Variants in SGPP2 observed in about 807,000 individuals in gnomAD.
SGPP2 encodes the protein sphingosine-1-phosphate phosphatase 2.
SGPP2 carries 30 observed loss-of-function variants against 33.9 expected under a neutral mutation model. That is an observed-to-expected ratio of 0.89 (90% CI 0.66 to 1.20). SGPP2 has a LOEUF of 1.20. SGPP2 is among the 50% of genes most tolerant of loss of function. The pLI, the probability that SGPP2 is intolerant of heterozygous loss-of-function variation, is 0.00. For missense variants in SGPP2, 458 were observed against 532.1 expected (o/e 0.86, Z 1.37); for synonymous variants, 233 against 225.0 (o/e 1.04, Z -0.32).
intron 4 of SGPP2, among the ~76,000 whole-genome samples, chr2:222,542,591 G>A (rs112690558): frequency 2.6e-5 from 4 of 151,972 alleles, no homozygotes; most frequent in Middle Eastern, 6.8e-3. Flanking sequence ...TCTTATTTTC[G>A]CCATTCTTGT....
intron 3 of SGPP2, among the ~76,000 whole-genome samples, chr2:222,524,076 A>G (rs1003573628): frequency 3.3e-4 from 51 of 152,320 alleles, no homozygotes; most frequent in African/African-American, 1.0e-3. Flanking sequence ...TGAGGGTCAA[A>G]TGGGAGCATT....
chr2:222,520,779 G>T (rs1273933911), intron 2 of SGPP2, among the ~76,000 whole-genome samples: 1 of 149,980 alleles, frequency 6.7e-6, no homozygotes, highest in Non-Finnish European at 1.5e-5. Flanking sequence ...TTTGAGACAG[G>T]GTCTTGCTCT....
intron 4 of SGPP2, among the ~76,000 whole-genome samples, chr2:222,527,137 G>C (rs903346585): frequency 3.9e-4 from 60 of 152,130 alleles, no homozygotes; most frequent in African/African-American, 1.4e-3. Context: ...GTGAGTTGTG[G>C]GGACAGTAAG....
Position 222,424,695 on chromosome 2 carries a change from C to T in SGPP2, c.93C>T (p.Pro31=). The T allele has an allele frequency of 6.9e-7, 1 of 1,451,784 alleles. No homozygotes were observed. The highest frequency in any genetic ancestry group is 9.1e-7 in the Non-Finnish European group (1 of 1,104,368). The allele number at this position is 1,451,784 out of a possible 1,614,324, so 89.9% of individuals were successfully genotyped here. The change falls in exon 1 of 5, where the codon CCC becomes CCT. Residue 31 remains proline, a synonymous_variant. Coordinates refer to ENST00000321276, the MANE Select transcript of SGPP2 (RefSeq NM_152386.4). ...CGLFPAPDEG[P]RENGADPTER... is the part of the protein sequence containing the mutation. ...TCTTCCCCGCTCCGGATGAAGGCCC[C>T]CGGGAGAACGGCGCGGACCCCACGG...
At chr2:222,463,654 A>G (rs1697698868) in intron 1 of SGPP2, among the ~76,000 whole-genome samples, 1 of 152,222 alleles carries the variant, frequency 6.6e-6, no homozygotes, top group Non-Finnish European at 1.5e-5. Flanking sequence ...ATTCCAAGCT[A>G]AAAATTGTGT....
intron 1 of SGPP2, among the ~76,000 whole-genome samples, chr2:222,447,764 T>C (rs902451714): frequency 1.2e-4 from 18 of 152,158 alleles, no homozygotes; most frequent in Non-Finnish European, 7.3e-5. Context: ...ATGTTTACTA[T>C]ATGCCAGCCA....
chr2:222,452,360 T>A, intron 1 of SGPP2: 1 of 710,616 alleles, frequency 1.4e-6, no homozygotes, highest in Non-Finnish European at 2.6e-6. Context: ...ATTCAGCCAG[T>A]GCCCAGAGTC....
intron 4 of SGPP2, among the ~76,000 whole-genome samples, chr2:222,532,997 G>A (rs185095804): frequency 3.2e-4 from 49 of 151,478 alleles, no homozygotes; most frequent in African/African-American, 1.1e-3. Flanking sequence ...TTTTACTGAG[G>A]TCTTACATTT....
chr2:222,453,421 G>C (rs1697523188), intron 1 of SGPP2, among the ~76,000 whole-genome samples: 1 of 152,158 alleles, frequency 6.6e-6, no homozygotes, highest in Admixed American at 6.5e-5. Context: ...GTATCAAGAA[G>C]TTGGGATGAA....
In SGPP2 at chr2:222,465,911, C is replaced by T. The variant is rs906080839; in HGVS notation, c.220-8657C>T. On this transcript the variant is annotated intron_variant, in intron 1 of 4. Transcript: ENST00000321276. This position sits in a 1 kb window ranked among gnomAD's most constrained non-coding sequence, Gnocchi z 4.1. The stretch of plus-strand genomic sequence containing the variant: ...TATCCAGGGCTCAGCTCAAATGGCT[C>T]CTCTGTGGCAAGCATCCCCAGACAC... Among the ~76,000 whole-genome samples, 9 of 152,164 alleles carry T rather than the reference C, an allele frequency of 5.9e-5. No individual in the cohort carries two copies. Among genetic ancestry groups the T allele is most frequent in the African/African-American group, 2.2e-4 (9 of 41,442 alleles).
chr2:222,528,975 AT>A (rs1402247054), intron 4 of SGPP2, among the ~76,000 whole-genome samples: 1 of 152,194 alleles, frequency 6.6e-6, no homozygotes, highest in Admixed American at 6.6e-5. Flanking sequence ...TTTAGGAAAG[AT>A]TTCTTTGTAG....
chr2:222,427,405 T>C (rs1697087268), intron 1 of SGPP2, among the ~76,000 whole-genome samples: 1 of 152,066 alleles, frequency 6.6e-6, no homozygotes, highest in Non-Finnish European at 1.5e-5. Flanking sequence ...AGACTACGGA[T>C]GCATGCCATC....
chr2:222,439,107 C>T (rs1697287424), intron 1 of SGPP2, among the ~76,000 whole-genome samples: 1 of 152,112 alleles, frequency 6.6e-6, no homozygotes, highest in Non-Finnish European at 1.5e-5. Context: ...TTTTGGGTCC[C>T]CTGGAATCAA....
chr2:222,550,932 C>A lies in SGPP2; in HGVS notation c.649-7415C>A, dbSNP rs1291945948. On this transcript the variant is annotated intron_variant, in intron 4 of 4. Transcript: ENST00000321276. This position sits in a 1 kb window ranked among gnomAD's most constrained non-coding sequence, Gnocchi z 4.5. ...TCTGGTTATTTTCTTAGAATCAATT[C>A]CTAGGAGTGGAATCACTGGGTCTAG... Among the ~76,000 whole-genome samples the A allele has an allele frequency of 6.6e-6, 1 of 152,130 alleles. No homozygotes were observed. Among genetic ancestry groups the A allele is most frequent in the Non-Finnish European group, 1.5e-5 (1 of 68,032 alleles).
chr2:222,492,245 C>T (rs1433523895), intron 2 of SGPP2, among the ~76,000 whole-genome samples: 1 of 152,206 alleles, frequency 6.6e-6, no homozygotes, highest in Non-Finnish European at 1.5e-5. Flanking sequence ...ATTTCCTTTC[C>T]CCACTGCCCT....
At chr2:222,519,996 G>C (rs1011640527) in intron 2 of SGPP2, among the ~76,000 whole-genome samples, 2 of 152,112 alleles carry the variant, frequency 1.3e-5, no homozygotes, top group African/African-American at 4.8e-5. Context: ...GTGTCTTTTT[G>C]GTAGAATGAT....
intron 4 of SGPP2, among the ~76,000 whole-genome samples, chr2:222,551,518 T>G (rs1274454883): frequency 6.6e-6 from 1 of 152,198 alleles, no homozygotes; most frequent in African/African-American, 2.4e-5. Flanking sequence ...TTAGAAACTG[T>G]TTGGAATAAT....
chr2:222,509,900 C>T (rs893864955), intron 2 of SGPP2, among the ~76,000 whole-genome samples: 2 of 152,206 alleles, frequency 1.3e-5, no homozygotes, highest in African/African-American at 2.4e-5. Flanking sequence ...CATTAGCACA[C>T]ACTACCGTAG....
At chr2:222,451,138 G>GAAA (rs1697480545) in intron 1 of SGPP2, among the ~76,000 whole-genome samples, 1 of 46,224 alleles carries the variant, frequency 2.2e-5, no homozygotes, top group Non-Finnish European at 4.3e-5. Flanking sequence ...CATACAAAAA[G>GAAA]AGAAAAAAAA....
Sources: allele counts gnomAD v4.1 joint callset (sites outside exome capture counted in the v4.1 genomes callset), GRCh38; gene constraint gnomAD v4.1.1; non-coding constraint Gnocchi (gnomAD v3.1); transcripts MANE v1.5; gene names NCBI Gene and HGNC (gene_info 2026-07-23, HGNC 2026-07-21).